The following PSMA1 variants were observed in gnomAD, a reference collection of about 807,000 sequenced individuals.
PSMA1 encodes the protein proteasome subunit alpha type-1.
A neutral mutation model predicts 38.4 loss-of-function variants in PSMA1; 3 were observed. The ratio of observed to expected loss-of-function variants is 0.08; its 90% CI spans 0.04 to 0.20. PSMA1 has a LOEUF of 0.20. PSMA1 is among the 10% of genes least tolerant of loss of function. The probability of loss-of-function intolerance (pLI) is 1.00; values close to 1 mark genes in which losing one functional copy is unlikely to be tolerated. For synonymous variants in PSMA1, 101 were observed against 107.1 expected (o/e 0.94, Z 0.35); for missense variants, 227 against 325.3 (o/e 0.70, Z 2.32).
intron 2 of PSMA1, among the ~76,000 whole-genome samples, chr11:14,603,562 T>C (rs998706949): frequency 2.6e-5 from 4 of 152,220 alleles, no homozygotes; most frequent in African/African-American, 9.6e-5. Context: ...TTGTGCTGAA[T>C]TTTCCTGTTA....
chr11:14,613,295 A>C (rs1322366276), intron 1 of PSMA1, among the ~76,000 whole-genome samples: 1 of 134,348 alleles, frequency 7.4e-6, no homozygotes, highest in Non-Finnish European at 1.6e-5. Flanking sequence ...GATGGTGCCC[A>C]GGCTGGACTG....
intron 1 of PSMA1, among the ~76,000 whole-genome samples, chr11:14,643,015 C>G (rs1456282211): frequency 6.6e-6 from 1 of 151,988 alleles, no homozygotes; most frequent in Admixed American, 6.5e-5. Context: ...AAGTTGTGAA[C>G]CGGCGGATAT....
intron 2 of PSMA1, among the ~76,000 whole-genome samples, chr11:14,560,361 G>C (rs1851994447): frequency 6.6e-6 from 1 of 152,166 alleles, no homozygotes. Flanking sequence ...TGGTCTGAAA[G>C]TTGCCACTGA....
upstream of PSMA1, among the ~76,000 whole-genome samples, chr11:14,524,711 G>A (rs1286545020): frequency 2.6e-5 from 4 of 152,258 alleles, no homozygotes; most frequent in Admixed American, 1.3e-4. Flanking sequence ...CCGAAGACCC[G>A]GGTCAGCGGA....
intron 1 of PSMA1, among the ~76,000 whole-genome samples, chr11:14,618,540 A>T (rs1212726456): frequency 6.6e-6 from 1 of 152,230 alleles, no homozygotes; most frequent in Non-Finnish European, 1.5e-5. Context: ...ACTATATGGA[A>T]TTATCCAAAT....
intron 1 of PSMA1, among the ~76,000 whole-genome samples, chr11:14,628,297 C>A: frequency 0.01 from 1 of 100 alleles, no homozygotes; most frequent in African/African-American, 0.026. Flanking sequence ...AGGTATATCT[C>A]CCAACTAGTC....
chr11:14,603,939 A>C (rs1207446599), intron 2 of PSMA1, among the ~76,000 whole-genome samples: 1 of 152,178 alleles, frequency 6.6e-6, no homozygotes, highest in African/African-American at 2.4e-5. Context: ...ACAAGAGAAA[A>C]AAGACTGATG....
chr11:14,630,402 T>A (rs1287616270), intron 1 of PSMA1, among the ~76,000 whole-genome samples: 1 of 152,260 alleles, frequency 6.6e-6, no homozygotes, highest in Non-Finnish European at 1.5e-5. Context: ...CAAAGGACTT[T>A]TCTGCATCTA....
At chr11:14,633,745 C>G (rs1419671049) in intron 1 of PSMA1, among the ~76,000 whole-genome samples, 3 of 152,162 alleles carry the variant, frequency 2.0e-5, no homozygotes, top group Admixed American at 6.5e-5. Context: ...GCCTAACTGC[C>G]GCCTTGCAGT....
chr11:14,548,231 ACTATTATTATGTT>A (rs1314284406), intron 2 of PSMA1, among the ~76,000 whole-genome samples: 1 of 152,264 alleles, frequency 6.6e-6, no homozygotes, highest in East Asian at 1.9e-4. Flanking sequence ...AGTAAGTGGT[ACTATTATTATGTT>A]CTATTATTAT....
At chr11:14,507,632 G>T (rs769909882) in intron 9 of PSMA1, 24 bp downstream of exon 9, 13 of 1,453,066 alleles carry the variant, frequency 8.9e-6, no homozygotes, top group Non-Finnish European at 1.3e-5. Context: ...TAGAACTAAA[G>T]CCTCTTGTGT....
At chr11:14,611,606 C>T (rs1852709512) in intron 1 of PSMA1, among the ~76,000 whole-genome samples, 1 of 152,200 alleles carries the variant, frequency 6.6e-6, no homozygotes, top group Non-Finnish European at 1.5e-5. Context: ...TACAGCCTGT[C>T]TCCGATATGG....
At chr11:14,591,222 G>C (rs893240118) in intron 2 of PSMA1, among the ~76,000 whole-genome samples, 3 of 152,236 alleles carry the variant, frequency 2.0e-5, no homozygotes, top group African/African-American at 7.2e-5. Flanking sequence ...GCTGCAGAGG[G>C]TGTACTCTGG....
chr11:14,638,543 CTCTATATA>C (rs1438190652), intron 1 of PSMA1, among the ~76,000 whole-genome samples: 30 of 13,306 alleles, frequency 2.3e-3, no homozygotes, highest in South Asian at 3.4e-3. Context: ...CTCTCTCTCT[CTCTATATA>C]TATATATATA....
At chr11:14,510,737 A>T in intron 8 of PSMA1, 135 bp downstream of exon 8, 1 of 496,296 alleles carries the variant, frequency 2.0e-6, no homozygotes, top group South Asian at 7.1e-5. Context: ...CTTAGCAAAT[A>T]GCTTAAAGGA....
intron 2 of PSMA1, among the ~76,000 whole-genome samples, chr11:14,551,910 C>T (rs116058163): frequency 0.015 from 2,258 of 152,162 alleles, 52 homozygotes; most frequent in African/African-American, 0.052. Context: ...TTTATTTTAT[C>T]CTCTCTATAT....
chr11:14,578,800 C>T (rs892221070), intron 2 of PSMA1, among the ~76,000 whole-genome samples: 2 of 152,272 alleles, frequency 1.3e-5, no homozygotes, highest in Non-Finnish European at 2.9e-5. Flanking sequence ...CTGATAGAGG[C>T]CCAGACATTG....
At chr11:14,531,576 C>T (rs1851648365) in intron 2 of PSMA1, among the ~76,000 whole-genome samples, 1 of 152,170 alleles carries the variant, frequency 6.6e-6, no homozygotes, top group Admixed American at 6.5e-5. Flanking sequence ...GATCCCTCTA[C>T]CTCAGCCTGA....
At chr11:14,546,500 C>T (rs1013793471) in intron 2 of PSMA1, among the ~76,000 whole-genome samples, 2 of 152,042 alleles carry the variant, frequency 1.3e-5, no homozygotes, top group Non-Finnish European at 1.5e-5. Context: ...TACAATGGCA[C>T]GATCTCGGCT....
Sources: allele counts gnomAD v4.1 joint callset (sites outside exome capture counted in the v4.1 genomes callset), GRCh38; gene constraint gnomAD v4.1.1; transcripts MANE v1.5; gene names NCBI Gene and HGNC (gene_info 2026-07-23, HGNC 2026-07-21).